LIFR: variants seen among roughly 807,000 people sequenced by gnomAD.
LIFR encodes the protein LIF receptor subunit alpha.
In LIFR, 84 loss-of-function variants were observed where a neutral mutation model predicts 122.2. The ratio of observed to expected loss-of-function variants is 0.69; its 90% CI spans 0.58 to 0.82. The LOEUF (loss-of-function observed/expected upper bound fraction) is 0.82, where lower values mean the gene tolerates loss of function less well. LIFR is among the 40% of genes least tolerant of loss of function. The pLI is 0.00. For missense variants in LIFR, 1,294 were observed against 1,311.6 expected, an observed-to-expected ratio of 0.99 and a Z score of 0.21; for synonymous variants, 422 against 434.7, an observed-to-expected ratio of 0.97 and a Z score of 0.36.
At chr5:38,486,101 G>T in intron 16 of LIFR, 121 bp from the exon 17 acceptor site, 2 of 855,468 alleles carry the variant, frequency 2.3e-6, no homozygotes, top group Non-Finnish European at 1.9e-6. Context: ...CCCAGCCAAG[G>T]ACTCTGGAGC....
intron 1 of LIFR, among the ~76,000 whole-genome samples, chr5:38,536,499 C>T (rs1383542934): frequency 6.6e-6 from 1 of 152,196 alleles, no homozygotes; most frequent in Non-Finnish European, 1.5e-5. Flanking sequence ...ATATTAGGGA[C>T]TTGGCATCCA....
At chr5:38,485,725 G>T in intron 17 of LIFR, 94 bp downstream of exon 17, 1 of 1,407,412 alleles carries the variant, frequency 7.1e-7, no homozygotes, top group Non-Finnish European at 1.0e-6. Context: ...ATGTTTTTTA[G>T]AAAGGGCGGG....
intron 1 of LIFR, among the ~76,000 whole-genome samples, chr5:38,539,275 T>C (rs1290373950): frequency 5.9e-5 from 9 of 152,182 alleles, no homozygotes; most frequent in Admixed American, 5.9e-4. Context: ...TGCTGACCAC[T>C]ATGTCCAACC....
chr5:38,560,092 C>A (rs1561210643), upstream of LIFR, among the ~76,000 whole-genome samples: 1 of 151,468 alleles, frequency 6.6e-6, no homozygotes, highest in Non-Finnish European at 1.5e-5. Flanking sequence ...ACAGGCTTCT[C>A]TATGTGTGAT....
rs201596849 is a variant in LIFR at position 38,482,228 on chromosome 5, A to C, written c.2671-10T>G. 358 of 1,602,284 alleles carry C rather than the reference A, an allele frequency of 2.2e-4. No homozygotes were observed. Among genetic ancestry groups the C allele is most frequent in the Non-Finnish European group, 2.9e-4 (341 of 1,177,054 alleles). On this transcript the variant is annotated splice_polypyrimidine_tract_variant and intron_variant, in intron 19 of 19. Coordinates refer to ENST00000453190, the MANE Select transcript of LIFR (RefSeq NM_001127671.2). Reference sequence around the variant, plus strand: ...TAAGAGCACTGCTTCCCTAGAAATAAATTTAAACACAGTGATTAAAAATAG... The same window carrying C: ...TAAGAGCACTGCTTCCCTAGAAATACATTTAAACACAGTGATTAAAAATAG...
intron 1 of LIFR, among the ~76,000 whole-genome samples, chr5:38,539,680 G>A (rs964987939): frequency 4.0e-5 from 6 of 151,772 alleles, no homozygotes; most frequent in Admixed American, 6.6e-5. Flanking sequence ...GTTTTTTGGG[G>A]GGGGTAATAC....
Position 38,481,234 on chromosome 5 carries a change from A to C in LIFR, c.*361T>G. Reference sequence around the variant, plus strand: ...ACTTACAATTCCACCAAGTATACACATGAGAAAACCACAAACAACAGAACA... The same window carrying C: ...ACTTACAATTCCACCAAGTATACACCTGAGAAAACCACAAACAACAGAACA... On this transcript the variant is annotated 3_prime_UTR_variant, in exon 20 of 20. Coordinates refer to ENST00000453190, the MANE Select transcript of LIFR (RefSeq NM_001127671.2). 1 of 348,754 alleles carries C rather than the reference A, an allele frequency of 2.9e-6. No individual in the cohort carries two copies. Among genetic ancestry groups the C allele is most frequent in the South Asian group, 4.7e-5 (1 of 21,376 alleles). The allele number at this position is 348,754 out of a possible 1,614,324, so 21.6% of individuals were successfully genotyped here.
chr5:38,518,053 A>T (rs1746198525), intron 5 of LIFR, among the ~76,000 whole-genome samples: 2 of 151,280 alleles, frequency 1.3e-5, no homozygotes, highest in African/African-American at 2.4e-5. Context: ...TTGAGGCTGC[A>T]GTCAGCTATA....
intron 1 of LIFR, among the ~76,000 whole-genome samples, chr5:38,586,044 TC>T (rs1749737139): frequency 6.6e-6 from 1 of 152,184 alleles, no homozygotes; most frequent in African/African-American, 2.4e-5. Context: ...GGTATCCGCT[TC>T]CCCTTTTCCC....
rs541926942 is a variant in LIFR, at chr5:38,578,848, C to T, written c.-20+16413G>A. Among the ~76,000 whole-genome samples, 12 of 152,312 alleles carry T rather than the reference C, an allele frequency of 7.9e-5. No homozygotes were observed. The South Asian group carries it at 1.0e-3, about 13-fold the overall frequency. On this transcript the variant is annotated intron_variant, in intron 1 of 19. Coordinates refer to the LIFR transcript ENST00000263409. ...CTGGGATTACAGGCGTGAGCCACCA[C>T]GCGCAGCCTAGACACCATTTCTTTA...
At chr5:38,483,911 C>T (rs969666541) in intron 18 of LIFR, among the ~76,000 whole-genome samples, 7 of 152,136 alleles carry the variant, frequency 4.6e-5, no homozygotes, top group African/African-American at 1.4e-4. Context: ...TGAATGCAGC[C>T]ACTGGCTCCA....
Position 38,486,075 on chromosome 5 carries a change from G to A in LIFR, c.2336-95C>T. On this transcript the variant is annotated intron_variant, in intron 16 of 19. Transcript: ENST00000453190. Reference sequence around the variant, plus strand: ...TCTCACCAACTGCCCTTCTAAGTGGGTCTAGCTGAGGCCATCCCAGCCAAG... The same window carrying A: ...TCTCACCAACTGCCCTTCTAAGTGGATCTAGCTGAGGCCATCCCAGCCAAG... 3 of 1,157,156 alleles carry A rather than the reference G, an allele frequency of 2.6e-6. 1 individual carries two copies. In the South Asian group the frequency reaches 3.9e-5, roughly 15 times the overall value. 71.7% of individuals were successfully genotyped at this position (1,157,156 alleles called of 1,614,324 possible).
intron 11 of LIFR, among the ~76,000 whole-genome samples, chr5:38,501,308 A>G (rs932094563): frequency 2.6e-5 from 4 of 151,648 alleles, no homozygotes; most frequent in African/African-American, 7.2e-5. Context: ...CCTCATCTCT[A>G]TTCTTCACAT....
chr5:38,538,131 T>C (rs1747388740), intron 1 of LIFR, among the ~76,000 whole-genome samples: 1 of 152,226 alleles, frequency 6.6e-6, no homozygotes, highest in South Asian at 2.1e-4. Context: ...TCCCTCTAAG[T>C]GGTTACCACT....
Position 38,480,384 on chromosome 5 carries a change from ACCTGCAAC to A in LIFR, c.*1203_*1210del. On this transcript the variant is annotated 3_prime_UTR_variant, in exon 20 of 20. Transcript: ENST00000453190. The stretch of plus-strand genomic sequence containing the variant: ...GCACAGCTCACCAAGCAATTGCTGC[ACCTGCAAC>A]ACAGGTATGCCCATGGATTCAGATC... 1 of 226,090 alleles carries A rather than the reference ACCTGCAAC, an allele frequency of 4.4e-6. No individual in the cohort carries two copies. The highest frequency in any genetic ancestry group is 8.8e-6 in the Non-Finnish European group (1 of 113,514). 14.0% of individuals were successfully genotyped at this position (226,090 alleles called of 1,614,324 possible). A position where few individuals can be genotyped will look rare whatever the true frequency, so the allele number is the denominator to read the frequency against.
At chr5:38,572,908 T>C (rs1007734513) in intron 1 of LIFR, among the ~76,000 whole-genome samples, 1 of 152,196 alleles carries the variant, frequency 6.6e-6, no homozygotes, top group Non-Finnish European at 1.5e-5. Flanking sequence ...CCCTACACAC[T>C]ACGAAACAGT....
chr5:38,558,927 AG>A (rs1287893256), upstream of LIFR: 1 of 152,252 alleles, frequency 6.6e-6, no homozygotes, highest in Non-Finnish European at 1.5e-5. Flanking sequence ...CAGCATGTCC[AG>A]GCTGCCCTAG....
At chr5:38,544,943 T>C (rs1478456087) in intron 1 of LIFR, among the ~76,000 whole-genome samples, 1 of 152,252 alleles carries the variant, frequency 6.6e-6, no homozygotes, top group African/African-American at 2.4e-5. Flanking sequence ...TGTGCAGTTA[T>C]GCACCATGGA....
At chr5:38,594,150 T>C (rs1750021189) in intron 1 of LIFR, among the ~76,000 whole-genome samples, 1 of 152,120 alleles carries the variant, frequency 6.6e-6, no homozygotes, top group Admixed American at 6.5e-5. Flanking sequence ...TTAAATGGTG[T>C]TCCTCTGGGC....
Sources: gnomAD v4.1 joint callset for allele counts (sites outside exome capture counted in the v4.1 genomes callset) on GRCh38, gnomAD v4.1.1 for gene constraint, MANE v1.5 for transcripts, NCBI Gene and HGNC (gene_info 2026-07-23, HGNC 2026-07-21) for gene names.